The following MID1 variants were observed in gnomAD, a reference collection of about 807,000 sequenced individuals.
The protein encoded by MID1 is midline 1, also known as E3 ubiquitin-protein ligase Midline-1.
Under a neutral mutation model 40.4 loss-of-function variants are expected in MID1, and 7 were observed. The observed-to-expected ratio is 0.17, with a 90% confidence interval of 0.10 to 0.33. MID1 has a LOEUF of 0.33. MID1 is among the 10% of genes least tolerant of loss of function. The pLI, the probability that MID1 is intolerant of heterozygous loss-of-function variation, is 1.00. For missense variants in MID1, 367 were observed against 558.5 expected, an observed-to-expected ratio of 0.66 and a Z score of 3.46; for synonymous variants, 229 against 221.2, an observed-to-expected ratio of 1.04 and a Z score of -0.31.
At position 10,449,518 on chromosome X, in the gene MID1, A is replaced by G. The variant is rs376281670; in HGVS notation, c.1854T>C (p.Tyr618=). ...LDYDNGSIAF[Y]DALNSIHLYT... is the part of the protein sequence containing the mutation. ...AGAGGTGGATGGAGTTCAAAGCATC[A>G]TAAAAGGCGATAGAGCCGTTATCAT... Residue 618 remains tyrosine, a synonymous_variant, in exon 10 of 10, where the codon TAT becomes TAC. Coordinates refer to ENST00000317552, the MANE Select transcript of MID1 (RefSeq NM_000381.4). 4 of 1,210,250 alleles carry G rather than the reference A, an allele frequency of 3.3e-6. No homozygotes were observed. The African/African-American group carries it at 5.2e-5, about 16-fold the overall frequency.
Position 10,449,692 on chromosome X carries a change from T to C in MID1, c.1680A>G (p.Lys560=), listed in dbSNP as rs1205989540. 1.7e-6 allele frequency: 2 copies of C among 1,210,722 alleles called. No individual in the cohort carries two copies. The highest frequency in any genetic ancestry group is 1.7e-5 in the African/African-American group (1 of 57,687). The change falls in exon 10 of 10, where the codon AAA becomes AAG. Residue 560 remains lysine (K), a synonymous_variant. Transcript: ENST00000317552. ...CAATCCATTCATGCTTCGGGGCTGA[T>C]TTGTAAGCAAGACCAATGGCATACC... ...STWYAIGLAY[K]SAPKHEWIGK...
chrX:10,741,461 CCT>C (rs1162886016), intron 1 of MID1, among the ~76,000 whole-genome samples: 2 of 103,368 alleles, frequency 1.9e-5, no homozygotes, highest in Non-Finnish European at 1.9e-5. Context: ...TTTTCATTCC[CCT>C]CTTTTTTTTT....
At chrX:10,761,591 T>G (rs753218692) in intron 1 of MID1, among the ~76,000 whole-genome samples, 11 of 112,154 alleles carry the variant, frequency 9.8e-5, no homozygotes, top group Non-Finnish European at 1.9e-4. Context: ...AGAGGTCTTA[T>G]GTGTTTTCAC....
intron 4 of MID1, among the ~76,000 whole-genome samples, chrX:10,486,184 GTAA>G (rs753827663): frequency 8.9e-6 from 1 of 112,556 alleles, no homozygotes; most frequent in East Asian, 2.8e-4. Context: ...GTACTAACGT[GTAA>G]TAATATCACC....
At chrX:10,558,907 C>T (rs1934228106) in intron 2 of MID1, among the ~76,000 whole-genome samples, 1 of 112,082 alleles carries the variant, frequency 8.9e-6, no homozygotes, top group South Asian at 3.7e-4. Context: ...TCTGAGCTTA[C>T]CAAGAATGAT....
chrX:10,473,940 G>C (rs1929857715), intron 6 of MID1, among the ~76,000 whole-genome samples: 1 of 111,763 alleles, frequency 8.9e-6, no homozygotes, highest in Non-Finnish European at 1.9e-5. Context: ...AACCAAGGGA[G>C]AAACAAAACA....
intron 1 of MID1, among the ~76,000 whole-genome samples, chrX:10,719,991 T>C (rs1300579379): frequency 1.3e-4 from 14 of 111,632 alleles, no homozygotes; most frequent in Admixed American, 1.1e-3. Context: ...AACTGGCTAG[T>C]CATATGTAGA....
chrX:10,818,264 A>G (rs2044152838), intron 1 of MID1, among the ~76,000 whole-genome samples: 1 of 112,325 alleles, frequency 8.9e-6, no homozygotes, highest in Non-Finnish European at 1.9e-5. Context: ...TTGAGTCAAC[A>G]CGTTACAATG....
intron 1 of MID1, among the ~76,000 whole-genome samples, chrX:10,575,381 C>T (rs1025444153): frequency 6.3e-5 from 7 of 111,976 alleles, no homozygotes; most frequent in Admixed American, 4.7e-4. Flanking sequence ...CAGATTGCAA[C>T]GGGGACCCAA....
At chrX:10,543,767 C>T (rs1028730692) in intron 2 of MID1, among the ~76,000 whole-genome samples, 22 of 110,837 alleles carry the variant, frequency 2.0e-4, no homozygotes, top group African/African-American at 6.9e-4. Context: ...CACTGGAACC[C>T]GGGAAGCAAA....
At chrX:10,595,900 A>G (rs1360371364) in intron 1 of MID1, among the ~76,000 whole-genome samples, 1 of 112,169 alleles carries the variant, frequency 8.9e-6, no homozygotes, top group African/African-American at 3.2e-5. Context: ...CTGTGTATCC[A>G]TGTACTGAAA....
At chrX:10,730,189 TGTAGA>T (rs760904442) in intron 1 of MID1, among the ~76,000 whole-genome samples, 4 of 111,562 alleles carry the variant, frequency 3.6e-5, no homozygotes, top group Non-Finnish European at 5.7e-5. Context: ...GTATTTGTTA[TGTAGA>T]GTATAGATTT....
chrX:10,588,836 A>T (rs2147503528), intron 1 of MID1, among the ~76,000 whole-genome samples: 1 of 111,345 alleles, frequency 9.0e-6, no homozygotes, highest in African/African-American at 3.3e-5. Flanking sequence ...CTTGTGCCAT[A>T]CCTTTGAAAC....
At chrX:10,583,860 G>A (rs746119944) in intron 1 of MID1, among the ~76,000 whole-genome samples, 38 of 110,076 alleles carry the variant, frequency 3.5e-4, no homozygotes, top group Admixed American at 8.7e-4. Context: ...GTGAAACCCC[G>A]TCTCTACTAA....
chrX:10,611,177 G>A (rs1935730310), intron 1 of MID1, among the ~76,000 whole-genome samples: 1 of 112,058 alleles, frequency 8.9e-6, no homozygotes, highest in South Asian at 3.7e-4. Context: ...ACCAAAAAGC[G>A]TTCAAGGTCT....
At chrX:10,785,107 C>T (rs892067166) in intron 1 of MID1, among the ~76,000 whole-genome samples, 3 of 111,614 alleles carry the variant, frequency 2.7e-5, no homozygotes, top group Admixed American at 9.5e-5. Context: ...TATTAGGCAA[C>T]TTCAGCAAAG....
At chrX:10,493,933 C>T (rs1314624970) in intron 4 of MID1, among the ~76,000 whole-genome samples, 4 of 112,272 alleles carry the variant, frequency 3.6e-5, no homozygotes, top group Non-Finnish European at 7.5e-5. Context: ...TGTGACTGTA[C>T]TTCAGGTGGC....
At chrX:10,634,601 C>G (rs767119817) in intron 1 of MID1, among the ~76,000 whole-genome samples, 4 of 110,750 alleles carry the variant, frequency 3.6e-5, no homozygotes, top group African/African-American at 1.3e-4. Flanking sequence ...CTATATCTGG[C>G]CAGAGGGTTA....
intron 1 of MID1, among the ~76,000 whole-genome samples, chrX:10,763,952 C>A (rs754707039): frequency 2.7e-4 from 30 of 112,185 alleles, no homozygotes; most frequent in Non-Finnish European, 5.1e-4. Context: ...CTTTTGGCTG[C>A]ATAAATGTCT....
Sources: gnomAD v4.1 joint callset for allele counts (sites outside exome capture counted in the v4.1 genomes callset) on GRCh38, gnomAD v4.1.1 for gene constraint, MANE v1.5 for transcripts, NCBI Gene and HGNC (gene_info 2026-07-23, HGNC 2026-07-21) for gene names.